Variants in CADPS2 observed in about 807,000 individuals in gnomAD.
CADPS2 encodes calcium-dependent secretion activator 2.
Under a neutral mutation model 172.5 loss-of-function variants are expected in CADPS2, and 93 were observed. The ratio of observed to expected loss-of-function variants is 0.54; its 90% CI spans 0.46 to 0.64. The LOEUF (loss-of-function observed/expected upper bound fraction) is 0.64, where lower values mean the gene tolerates loss of function less well. Among genes scored for constraint, CADPS2 ranks in the 30% least tolerant of loss-of-function variants. CADPS2 has a pLI of 0.00. For synonymous variants in CADPS2, 546 were observed against 555.2 expected, an observed-to-expected ratio of 0.98 and a Z score of 0.23; for missense variants, 1,420 against 1,565.9, an observed-to-expected ratio of 0.91 and a Z score of 1.57.
chr7:122,643,274 A>G (rs889587141), intron 3 of CADPS2, among the ~76,000 whole-genome samples: 1 of 152,182 alleles, frequency 6.6e-6, no homozygotes, highest in Non-Finnish European at 1.5e-5. Context: ...AATGTACCTT[A>G]TCAATAAGTG....
rs535894525 is a variant in CADPS2, at chr7:122,625,797, A to G, written c.867+3451T>C. 2.0e-5 allele frequency among the ~76,000 whole-genome samples: 3 copies of G among 152,170 alleles called. No homozygotes were observed. The South Asian group carries it at 6.2e-4, about 32-fold the overall frequency. The stretch of plus-strand genomic sequence containing the variant: ...TCCCTGCCCTCCCACACACACACAC[A>G]TATATATACACACATAACATGTATG... On this transcript the variant is annotated intron_variant, in intron 4 of 29. Coordinates refer to ENST00000449022, the MANE Select transcript of CADPS2 (RefSeq NM_017954.11).
chr7:122,713,051 T>C (rs1024453318), intron 2 of CADPS2, among the ~76,000 whole-genome samples: 13 of 152,058 alleles, frequency 8.5e-5, no homozygotes, highest in Non-Finnish European at 1.8e-4. Flanking sequence ...AATCATTATA[T>C]AGTTCTGATA....
At chr7:122,652,772 C>G (rs557163695) in intron 3 of CADPS2, among the ~76,000 whole-genome samples, 2 of 152,240 alleles carry the variant, frequency 1.3e-5, no homozygotes, top group South Asian at 4.1e-4. Flanking sequence ...TTTATTAGCA[C>G]AATAGCTAAT....
At chr7:122,424,615 G>C (rs539996027) in intron 17 of CADPS2, among the ~76,000 whole-genome samples, 57 of 152,224 alleles carry the variant, frequency 3.7e-4, no homozygotes, top group Admixed American at 1.6e-3. Context: ...ACAGAGAATA[G>C]ATTACTAGAA....
intron 17 of CADPS2, among the ~76,000 whole-genome samples, chr7:122,428,499 CTGT>C (rs2049460411): frequency 7.0e-6 from 1 of 142,890 alleles, no homozygotes; most frequent in African/African-American, 2.6e-5. Context: ...CGGAGTTTTG[CTGT>C]TGTTGCCCAG....
At chr7:122,565,828 G>A (rs375327971) in intron 7 of CADPS2, among the ~76,000 whole-genome samples, 56 of 152,188 alleles carry the variant, frequency 3.7e-4, no homozygotes, top group African/African-American at 1.2e-3. Flanking sequence ...ATTTTCAAGC[G>A]TATAATTCAT....
chr7:122,334,494 A>G (rs898077661), intron 28 of CADPS2, among the ~76,000 whole-genome samples: 1 of 152,190 alleles, frequency 6.6e-6, no homozygotes, highest in African/African-American at 2.4e-5. Context: ...GGAAATAGTG[A>G]GTTCTGTCTG....
chr7:122,611,322 A>G (rs978661856), intron 6 of CADPS2, among the ~76,000 whole-genome samples: 8 of 152,166 alleles, frequency 5.3e-5, no homozygotes, highest in Middle Eastern at 3.4e-3. Context: ...GGGCTAAGAA[A>G]AAAGAAAGGC....
At chr7:122,386,374 A>G in intron 24 of CADPS2, 1 of 1,050,082 alleles carries the variant, frequency 9.5e-7, no homozygotes, top group South Asian at 2.4e-5. Flanking sequence ...GAATAAAGAA[A>G]TGAAGAAAAA....
chr7:122,703,060 C>T lies in CADPS2; in HGVS notation c.453+33895G>A, dbSNP rs551768647. ...TCCAAGAGTTTATATTAGTGCATTGCATCCTGAAATCCTATTGGCCAAAAA... is the reference window on the plus strand; with the variant it reads ...TCCAAGAGTTTATATTAGTGCATTGTATCCTGAAATCCTATTGGCCAAAAA... On this transcript the variant is annotated intron_variant, in intron 2 of 29. Coordinates refer to ENST00000449022, the MANE Select transcript of CADPS2 (RefSeq NM_017954.11). 233 of 255,746 alleles carry T rather than the reference C, an allele frequency of 9.1e-4. 2 individuals are homozygous for T. The highest frequency in any genetic ancestry group is 4.5e-3 in the African/African-American group (201 of 44,554). The allele number at this position is 255,746 out of a possible 1,614,324, so 15.8% of individuals were successfully genotyped here.
intron 1 of CADPS2, among the ~76,000 whole-genome samples, chr7:122,759,624 T>G (rs568497160): frequency 6.6e-6 from 1 of 152,104 alleles, no homozygotes; most frequent in Non-Finnish European, 1.5e-5. Context: ...ATAGACTACA[T>G]AGTCATTATA....
At chr7:122,849,295 AT>A (rs1221838018) in intron 1 of CADPS2, among the ~76,000 whole-genome samples, 1 of 152,172 alleles carries the variant, frequency 6.6e-6, no homozygotes, top group Admixed American at 6.5e-5. Context: ...GGAGGAAACT[AT>A]TTTTTCACTT....
chr7:122,812,099 C>T (rs1190480833), intron 1 of CADPS2, among the ~76,000 whole-genome samples: 3 of 151,700 alleles, frequency 2.0e-5, no homozygotes, highest in Non-Finnish European at 2.9e-5. Flanking sequence ...AAAGATTCTA[C>T]TTGTCCTAAT....
intron 2 of CADPS2, among the ~76,000 whole-genome samples, chr7:122,734,529 GGA>G (rs1170035775): frequency 1.3e-5 from 2 of 151,504 alleles, no homozygotes; most frequent in Non-Finnish European, 2.9e-5. Context: ...TTTATTGCAA[GGA>G]GATATTGAAA....
chr7:122,480,139 ACCCCTT>A, intron 12 of CADPS2: 2 of 470,660 alleles, frequency 4.2e-6, no homozygotes, highest in Admixed American at 4.7e-5. Context: ...CCTCTTCCCC[ACCCCTT>A]CAGCTCACTC....
intron 1 of CADPS2, among the ~76,000 whole-genome samples, chr7:122,835,984 C>T (rs968039348): frequency 6.6e-6 from 1 of 152,066 alleles, no homozygotes; most frequent in Non-Finnish European, 1.5e-5. Context: ...TTGTCAGATT[C>T]ACCAAAGTTG....
At chr7:122,541,521 T>C (rs1190793804) in intron 8 of CADPS2, among the ~76,000 whole-genome samples, 2 of 147,806 alleles carry the variant, frequency 1.4e-5, no homozygotes, top group Non-Finnish European at 3.0e-5. Flanking sequence ...TTGTTTTTTT[T>C]TTTTTATGCT....
At chr7:122,582,533 CT>C (rs1340647625) in intron 6 of CADPS2, among the ~76,000 whole-genome samples, 2 of 151,858 alleles carry the variant, frequency 1.3e-5, no homozygotes, top group African/African-American at 2.4e-5. Flanking sequence ...AGCAAAGAGA[CT>C]TTTTGCAATT....
chr7:122,707,990 A>G (rs1166762394), intron 2 of CADPS2, among the ~76,000 whole-genome samples: 2 of 151,820 alleles, frequency 1.3e-5, no homozygotes, highest in African/African-American at 4.8e-5. Flanking sequence ...TTTAATGTGT[A>G]TAACATGATG....
Sources: allele counts gnomAD v4.1 joint callset (sites outside exome capture counted in the v4.1 genomes callset), GRCh38; gene constraint gnomAD v4.1.1; transcripts MANE v1.5; gene names NCBI Gene and HGNC (gene_info 2026-07-23, HGNC 2026-07-21).